SRGAP3: variants seen among roughly 807,000 people sequenced by gnomAD.
The protein encoded by SRGAP3 is SLIT-ROBO Rho GTPase-activating protein 3.
In SRGAP3, 39 loss-of-function variants were observed where a neutral mutation model predicts 121.1. The ratio of observed to expected loss-of-function variants is 0.32; its 90% CI spans 0.25 to 0.42. The LOEUF (loss-of-function observed/expected upper bound fraction) is 0.42, where lower values mean the gene tolerates loss of function less well. Ranked by LOEUF, SRGAP3 falls within the 10% of genes least tolerant of loss-of-function variation. SRGAP3 has a pLI of 1.00. For missense variants in SRGAP3, 1,213 were observed against 1,470.6 expected, an observed-to-expected ratio of 0.82 and a Z score of 2.86; for synonymous variants, 601 against 570.0, an observed-to-expected ratio of 1.05 and a Z score of -0.77.
chr3:9,270,696 G>C (rs1954456589), intron 3 of SRGAP3, among the ~76,000 whole-genome samples: 1 of 152,176 alleles, frequency 6.6e-6, no homozygotes, highest in Admixed American at 6.5e-5. Flanking sequence ...GATGAGTACA[G>C]ATGGATATTG....
intron 14 of SRGAP3, chr3:9,016,067 A>C (rs1031803400): frequency 2.8e-6 from 1 of 357,432 alleles, no homozygotes; most frequent in Non-Finnish European, 5.3e-6. Flanking sequence ...AGACATCAAA[A>C]CACACCACCG....
chr3:9,234,400 G>A (rs992481318), intron 1 of SRGAP3, among the ~76,000 whole-genome samples: 4 of 151,902 alleles, frequency 2.6e-5, no homozygotes, highest in African/African-American at 9.7e-5. Context: ...CATGTCGCTT[G>A]GCCAGTTCAC....
intron 3 of SRGAP3, among the ~76,000 whole-genome samples, chr3:9,098,491 T>C (rs144201897): frequency 9.2e-5 from 14 of 152,102 alleles, no homozygotes; most frequent in African/African-American, 3.4e-4. Context: ...GTCTCAAACA[T>C]CTGAGCTCAA....
In SRGAP3 at chr3:9,339,599, C is replaced by T. The variant is rs142137835; in HGVS notation, n.215-9003G>A. Among the ~76,000 whole-genome samples, 221 of 152,312 alleles carry T rather than the reference C, an allele frequency of 1.5e-3. 1 individual carries two copies. Among genetic ancestry groups the T allele is most frequent in the African/African-American group, 5.0e-3 (209 of 41,564 alleles). Reference sequence around the variant, plus strand: ...TAAAGGGTAGAGACCCAGTCAGCATCGGCTGATTGTTTCCAGAAGGGGATG... The same window carrying T: ...TAAAGGGTAGAGACCCAGTCAGCATTGGCTGATTGTTTCCAGAAGGGGATG... On this transcript the variant is annotated intron_variant and non_coding_transcript_variant, in intron 1 of 3. Coordinates refer to the SRGAP3 transcript ENST00000490889.
chr3:9,357,597 GAAA>G (rs978013543), intron 1 of SRGAP3, among the ~76,000 whole-genome samples: 2 of 92,606 alleles, frequency 2.2e-5, no homozygotes, highest in African/African-American at 6.9e-5. Context: ...GTATGTAAAA[GAAA>G]AAAAAAAAAA....
chr3:9,144,679 C>T (rs146397305), intron 1 of SRGAP3, among the ~76,000 whole-genome samples: 1,684 of 152,304 alleles, frequency 0.011, 31 homozygotes, highest in African/African-American at 0.038. Flanking sequence ...GTAAGAAGTG[C>T]CTTTCACCTC....
chr3:9,060,430 T>C (rs76977096), intron 5 of SRGAP3, 71 bp from the exon 6 acceptor site: 2 of 1,118,132 alleles, frequency 1.8e-6, no homozygotes, highest in Non-Finnish European at 1.2e-6. Context: ...TTCTATTCCT[T>C]TTTTTTTTTT....
chr3:9,039,706 G>C (rs1190595148), intron 10 of SRGAP3, among the ~76,000 whole-genome samples: 1 of 152,106 alleles, frequency 6.6e-6, no homozygotes, highest in Non-Finnish European at 1.5e-5. Context: ...TTGCGTAGTC[G>C]AGACATTTTA....
chr3:9,288,742 T>G (rs1395144014), intron 3 of SRGAP3, among the ~76,000 whole-genome samples: 1 of 151,442 alleles, frequency 6.6e-6, no homozygotes, highest in Non-Finnish European at 1.5e-5. Context: ...CCCAGCTAAT[T>G]TTTTAAATTT....
rs1466570371 is a variant in SRGAP3 at position 8,984,712 on chromosome 3, G to GC, written c.*806dup. On this transcript the variant is annotated 3_prime_UTR_variant, in exon 22 of 22. Transcript: ENST00000383836. ...TGGCCTTTGGCCTCCGGGTGGAAGG[G>GC]CAGGGTCTCTGGGGTGGACGGGGGT... The GC allele has an allele frequency of 1.7e-5, 4 of 232,410 alleles. No individual in the cohort carries two copies. Among genetic ancestry groups the GC allele is most frequent in the Admixed American group, 5.6e-5 (1 of 17,744 alleles). 14.4% of individuals were successfully genotyped at this position (232,410 alleles called of 1,614,324 possible).
chr3:9,303,746 T>C (rs1955108707), intron 3 of SRGAP3, among the ~76,000 whole-genome samples: 1 of 152,208 alleles, frequency 6.6e-6, no homozygotes. Context: ...TCTACAATAA[T>C]AACATTTGGA....
chr3:9,086,274 C>T (rs1947467947), intron 3 of SRGAP3, among the ~76,000 whole-genome samples: 1 of 151,878 alleles, frequency 6.6e-6, no homozygotes, highest in Non-Finnish European at 1.5e-5. Flanking sequence ...ACCTGTAATC[C>T]CAGCACTTTG....
chr3:9,047,219 A>G (rs1467738010), intron 10 of SRGAP3, among the ~76,000 whole-genome samples, 172 bp downstream of exon 10: 3 of 152,040 alleles, frequency 2.0e-5, no homozygotes, highest in Admixed American at 6.6e-5. Flanking sequence ...TGGACCCCAC[A>G]AGGCATCTGT....
intron 1 of SRGAP3, among the ~76,000 whole-genome samples, chr3:9,359,339 TGATACCTAA>T (rs945604530): frequency 6.6e-6 from 1 of 152,152 alleles, no homozygotes; most frequent in African/African-American, 2.4e-5. Context: ...TCTTCCAACT[TGATACCTAA>T]GAGTTTTTAA....
intron 3 of SRGAP3, among the ~76,000 whole-genome samples, chr3:9,296,280 T>G (rs1480076151): frequency 1.3e-5 from 2 of 152,238 alleles, no homozygotes; most frequent in Admixed American, 1.3e-4. Flanking sequence ...GGTTCCAGTT[T>G]CTCCACACAC....
chr3:9,302,038 C>G (rs997617411), intron 3 of SRGAP3, among the ~76,000 whole-genome samples: 2 of 152,190 alleles, frequency 1.3e-5, no homozygotes, highest in African/African-American at 4.8e-5. Flanking sequence ...TTGCCGAGAG[C>G]TAACATTTTT....
chr3:9,292,064 T>G (rs1954879321), intron 3 of SRGAP3, among the ~76,000 whole-genome samples: 1 of 152,198 alleles, frequency 6.6e-6, no homozygotes, highest in Non-Finnish European at 1.5e-5. Context: ...GGAAATAACT[T>G]TCTTGGTAGT....
chr3:9,215,035 G>C (rs992837377), intron 1 of SRGAP3, among the ~76,000 whole-genome samples: 4 of 152,064 alleles, frequency 2.6e-5, no homozygotes, highest in Admixed American at 2.6e-4. Context: ...GTGGTGGAGG[G>C]GGAAATTTAC....
chr3:9,347,824 C>T (rs573530573), intron 1 of SRGAP3, among the ~76,000 whole-genome samples: 3 of 152,302 alleles, frequency 2.0e-5, no homozygotes, highest in African/African-American at 7.2e-5. Context: ...ACTTGCACTT[C>T]GACAGGGATT....
Sources: allele counts gnomAD v4.1 joint callset (sites outside exome capture counted in the v4.1 genomes callset), GRCh38; gene constraint gnomAD v4.1.1; transcripts MANE v1.5; gene names NCBI Gene and HGNC (gene_info 2026-07-23, HGNC 2026-07-21).